Variants in FGF13 observed in about 807,000 individuals in gnomAD.
FGF13 encodes the protein fibroblast growth factor homologous factor 2.
In FGF13, 2 loss-of-function variants were observed where a neutral mutation model predicts 19.5. The observed-to-expected ratio is 0.10, with a 90% confidence interval of 0.04 to 0.32. FGF13 has a LOEUF of 0.32. Among genes scored for constraint, FGF13 ranks in the 10% least tolerant of loss-of-function variants. The probability of loss-of-function intolerance (pLI) is 1.00; values close to 1 mark genes in which losing one functional copy is unlikely to be tolerated. For missense variants in FGF13, 113 were observed against 192.7 expected (o/e 0.59, Z 2.45); for synonymous variants, 72 against 76.9 (o/e 0.94, Z 0.33).
intron 1 of FGF13, among the ~76,000 whole-genome samples, chrX:139,063,896 C>T (rs1473971807): frequency 4.5e-5 from 5 of 111,588 alleles, no homozygotes; most frequent in African/African-American, 1.6e-4. Flanking sequence ...TCCATACCCT[C>T]AATACTTGTT....
chrX:138,723,560 G>A (rs1211202226), intron 1 of FGF13, among the ~76,000 whole-genome samples: 1 of 111,308 alleles, frequency 9.0e-6, no homozygotes, highest in Non-Finnish European at 1.9e-5. Flanking sequence ...TCACCGGTTG[G>A]CGATGCGTGG....
At chrX:139,100,041 A>AACACACACAC (rs56821859) in intron 1 of FGF13, among the ~76,000 whole-genome samples, 8,380 of 76,244 alleles carry the variant, frequency 0.11, 563 homozygotes, top group African/African-American at 0.18. Context: ...GGGGAAAGCA[A>AACACACACAC]ACACACACAC....
intron 1 of FGF13, among the ~76,000 whole-genome samples, chrX:138,872,996 TTTAC>T: frequency 9.0e-6 from 1 of 111,489 alleles, no homozygotes; most frequent in Middle Eastern, 4.6e-3. Flanking sequence ...CTGTTCTCAT[TTTAC>T]TTCTTAATTT....
chrX:138,869,448 T>C (rs1176175785), intron 1 of FGF13, among the ~76,000 whole-genome samples: 5 of 112,594 alleles, frequency 4.4e-5, no homozygotes, highest in Non-Finnish European at 9.4e-5. Flanking sequence ...GAGAAGCTCT[T>C]CCAATTGATC....
intron 3 of FGF13, among the ~76,000 whole-genome samples, chrX:138,665,734 TGAAAA>T (rs1170808871): frequency 9.0e-6 from 1 of 110,876 alleles, no homozygotes; most frequent in Non-Finnish European, 1.9e-5. Flanking sequence ...ACTTAATTTT[TGAAAA>T]GAAAAGAGAA....
chrX:138,796,704 C>T (rs2090781163), intron 3 of FGF13, among the ~76,000 whole-genome samples: 1 of 111,880 alleles, frequency 8.9e-6, no homozygotes, highest in Non-Finnish European at 1.9e-5. Flanking sequence ...TATTTCTCTG[C>T]ATCCTCGCCA....
intron 3 of FGF13, among the ~76,000 whole-genome samples, chrX:138,797,853 G>A (rs1210966547): frequency 9.0e-6 from 1 of 111,358 alleles, no homozygotes; most frequent in Non-Finnish European, 1.9e-5. Context: ...TCATGATTTG[G>A]CTCTCTACTT....
At chrX:138,797,487 A>G (rs2090787820) in intron 3 of FGF13, among the ~76,000 whole-genome samples, 1 of 111,704 alleles carries the variant, frequency 9.0e-6, no homozygotes, top group Admixed American at 9.5e-5. Context: ...GAAGTCATGT[A>G]GCATCATGGC....
intron 3 of FGF13, among the ~76,000 whole-genome samples, chrX:138,763,381 T>G (rs902729727): frequency 6.3e-5 from 7 of 111,498 alleles, no homozygotes; most frequent in Non-Finnish European, 1.3e-4. Flanking sequence ...TGTATGTCCT[T>G]GCTGGTTTGG....
chrX:138,776,976 G>C (rs1036634127), intron 3 of FGF13, among the ~76,000 whole-genome samples: 1 of 111,748 alleles, frequency 8.9e-6, no homozygotes, highest in Non-Finnish European at 1.9e-5. Flanking sequence ...GTGGTAAAAG[G>C]CTGGCTAACT....
intron 3 of FGF13, among the ~76,000 whole-genome samples, chrX:138,640,091 C>T: frequency 9.0e-6 from 1 of 111,452 alleles, no homozygotes; most frequent in South Asian, 3.8e-4. Context: ...GTAGGTGGAT[C>T]CAGGAGCAAA....
chrX:138,994,049 T>C (rs2092030837), intron 1 of FGF13, among the ~76,000 whole-genome samples: 1 of 111,752 alleles, frequency 8.9e-6, no homozygotes, highest in African/African-American at 3.3e-5. Flanking sequence ...ATCCTTGAAA[T>C]AGAAAGCCTC....
intron 1 of FGF13, among the ~76,000 whole-genome samples, chrX:138,717,160 G>A (rs756867282): frequency 5.0e-4 from 56 of 111,720 alleles, no homozygotes; most frequent in African/African-American, 1.8e-3. Context: ...CTGCAACATC[G>A]AGAGTTCAAG....
chrX:138,639,184 A>G (rs1443394721), intron 3 of FGF13, among the ~76,000 whole-genome samples: 2 of 111,744 alleles, frequency 1.8e-5, no homozygotes, highest in Non-Finnish European at 3.8e-5. Context: ...CTCTGCAGTG[A>G]TTCATATGAA....
At chrX:138,924,518 G>T (rs1328350675) in intron 1 of FGF13, among the ~76,000 whole-genome samples, 1 of 112,067 alleles carries the variant, frequency 8.9e-6, no homozygotes, top group African/African-American at 3.2e-5. Context: ...ATATAGATAT[G>T]CAAATAATGA....
At chrX:138,699,377 C>G (rs1483703439) in intron 3 of FGF13, among the ~76,000 whole-genome samples, 2 of 111,648 alleles carry the variant, frequency 1.8e-5, no homozygotes, top group Non-Finnish European at 3.8e-5. Flanking sequence ...ATTTCTTTTA[C>G]TTAACAAATA....
chrX:138,881,167 C>T (rs6654355), intron 1 of FGF13, among the ~76,000 whole-genome samples: 4,817 of 111,272 alleles, frequency 0.043, 275 homozygotes, highest in African/African-American at 0.15. Context: ...TTCCTAGGTA[C>T]GTTATTCTTT....
At chrX:138,968,432 C>T (rs980664330) in intron 1 of FGF13, among the ~76,000 whole-genome samples, 2 of 111,841 alleles carry the variant, frequency 1.8e-5, no homozygotes, top group Admixed American at 9.5e-5. Context: ...TCACTTTCTC[C>T]CTTCTTCTCC....
At chrX:138,765,880 C>T (rs181544114) in intron 3 of FGF13, among the ~76,000 whole-genome samples, 1 of 111,797 alleles carries the variant, frequency 8.9e-6, no homozygotes, top group East Asian at 2.8e-4. Context: ...CTCGAATGTT[C>T]CATGCTCTTT....
Sources: gnomAD v4.1 joint callset for allele counts (sites outside exome capture counted in the v4.1 genomes callset) on GRCh38, gnomAD v4.1.1 for gene constraint, MANE v1.5 for transcripts, NCBI Gene and HGNC (gene_info 2026-07-23, HGNC 2026-07-21) for gene names.